The following SRP54 variants were observed in gnomAD, a reference collection of about 807,000 sequenced individuals.
SRP54 encodes the protein signal recognition particle 54.
Under a neutral mutation model 64.8 loss-of-function variants are expected in SRP54, and 10 were observed. That is an observed-to-expected ratio of 0.15 (90% CI 0.10 to 0.26). The LOEUF is 0.26. SRP54 is among the 10% of genes least tolerant of loss of function. SRP54 has a pLI of 1.00. For missense variants in SRP54, 325 were observed against 613.7 expected (o/e 0.53, Z 4.97); for synonymous variants, 193 against 185.6 (o/e 1.04, Z -0.32).
chr14:34,984,636 G>C (rs2043865677), intron 1 of SRP54, among the ~76,000 whole-genome samples: 1 of 152,112 alleles, frequency 6.6e-6, no homozygotes, highest in Non-Finnish European at 1.5e-5. Context: ...CGAGTAGCTG[G>C]GATTACAGGT....
intron 1 of SRP54, 55 bp downstream of exon 1, chr14:34,983,270 C>G (rs1016061408): frequency 6.6e-6 from 1 of 152,470 alleles, no homozygotes; most frequent in South Asian, 2.1e-4. Flanking sequence ...AGGGGCAGCC[C>G]CAGCGCTGCT....
At chr14:35,005,870 C>T (rs866978251) in intron 4 of SRP54, among the ~76,000 whole-genome samples, 79 of 152,096 alleles carry the variant, frequency 5.2e-4, no homozygotes, top group African/African-American at 1.9e-3. Context: ...GATGGAGTCT[C>T]GCTCTGTCAC....
chr14:35,020,134 G>C (rs1041984726), intron 13 of SRP54, among the ~76,000 whole-genome samples: 8 of 152,160 alleles, frequency 5.3e-5, no homozygotes, highest in Non-Finnish European at 1.0e-4. Context: ...GCAGTGAGCC[G>C]AGATTGTGTC....
intron 7 of SRP54, among the ~76,000 whole-genome samples, chr14:35,011,256 G>A (rs2044352908): frequency 6.6e-6 from 1 of 152,194 alleles, no homozygotes; most frequent in Non-Finnish European, 1.5e-5. Context: ...AAATAAATTT[G>A]AAGGAGACAC....
Position 35,013,401 on chromosome 14 carries a change from C to T in SRP54, c.692C>T (p.Ala231Val). The part of the protein sequence containing the change: ...MDASIGQACE[A>V]QAKAFKDKVD... ...GCCTCCATTGGGCAGGCTTGTGAAG[C>T]CCAGGCTAAGGCTTTTAAAGATAAA... Residue 231 changes from alanine to valine, a missense_variant, in exon 9 of 16, where the codon GCC (alanine) becomes GTC (valine). By Grantham distance (64) the Ala-to-Val change is moderately conservative. Transcript: ENST00000216774. 6.2e-7 allele frequency: 1 copy of T among 1,614,076 alleles called. No individual in the cohort carries two copies. Among genetic ancestry groups the T allele is most frequent in the Middle Eastern group, 1.6e-4 (1 of 6,062 alleles).
chr14:35,011,472 T>G (rs1313663911), intron 7 of SRP54, 37 bp from the exon 8 acceptor site: 1 of 1,376,982 alleles, frequency 7.3e-7, no homozygotes, highest in Non-Finnish European at 9.5e-7. Context: ...TTTGGAAGTT[T>G]TGTCGTTTTG....
chr14:34,985,769 A>G (rs945988328), intron 1 of SRP54, among the ~76,000 whole-genome samples: 1 of 152,134 alleles, frequency 6.6e-6, no homozygotes, highest in Non-Finnish European at 1.5e-5. Context: ...CTTGTTTTGC[A>G]CTCCAGATTA....
intron 3 of SRP54, 47 bp from the exon 4 acceptor site, chr14:35,000,889 A>C (rs376162642): frequency 1.5e-5 from 16 of 1,038,718 alleles, no homozygotes; most frequent in Admixed American, 2.6e-5. Flanking sequence ...AGAGTTTCTT[A>C]ACTGATTTTC....
At position 35,013,618 on chromosome 14, in the gene SRP54, A is replaced by G. The variant is rs150224180; in HGVS notation, c.785+124A>G. The G allele has an allele frequency of 7.5e-4, 954 of 1,264,314 alleles. 12 individuals carry two copies. In the East Asian group the frequency reaches 0.018, roughly 24 times the overall value. 78.3% of individuals were successfully genotyped at this position (1,264,314 alleles called of 1,614,324 possible). A position where few individuals can be genotyped will look rare whatever the true frequency, so the allele number is the denominator to read the frequency against. ...AGTGAGCCTAATATGGTTTATAAAGAAAGTTTAAATAGAAACAATTTTGGA... is the reference window on the plus strand; with the variant it reads ...AGTGAGCCTAATATGGTTTATAAAGGAAGTTTAAATAGAAACAATTTTGGA... On this transcript the variant is annotated intron_variant, in intron 9 of 15. Transcript: ENST00000216774.
At chr14:35,008,071 G>C (rs1402195467) in intron 5 of SRP54, among the ~76,000 whole-genome samples, 1 of 152,034 alleles carries the variant, frequency 6.6e-6, no homozygotes, top group East Asian at 1.9e-4. Flanking sequence ...TCCTTTTTCA[G>C]GTTCCCACCC....
chr14:34,987,245 A>AT (rs1427015450), intron 1 of SRP54, among the ~76,000 whole-genome samples: 3,481 of 64,046 alleles, frequency 0.054, 105 homozygotes, highest in African/African-American at 0.12. Context: ...AAAAAAAAAA[A>AT]AATATATATA....
intron 10 of SRP54, among the ~76,000 whole-genome samples, chr14:35,014,290 T>TTTTTTGTTTTTTTTTGTTTTTTTG (rs376712278): frequency 1.6e-5 from 2 of 127,284 alleles, no homozygotes; most frequent in African/African-American, 5.8e-5. Context: ...TTTTTTTTTT[T>TTTTTTGTTTTTTTTTGTTTTTTTG]TTTTGAGACG....
chr14:35,007,469 A>G, intron 5 of SRP54, 82 bp downstream of exon 5: 1 of 575,908 alleles, frequency 1.7e-6, no homozygotes, highest in Non-Finnish European at 2.7e-6. Context: ...ATAAAAATGT[A>G]AAGCCTGGCT....
At chr14:34,991,940 T>C (rs993001665) in intron 1 of SRP54, among the ~76,000 whole-genome samples, 1 of 152,188 alleles carries the variant, frequency 6.6e-6, no homozygotes, top group Admixed American at 6.5e-5. Flanking sequence ...TGTTTTTGTG[T>C]TTTGTGTTTT....
intron 15 of SRP54, among the ~76,000 whole-genome samples, chr14:35,028,497 G>A (rs557532873): frequency 6.6e-6 from 1 of 152,082 alleles, no homozygotes; most frequent in East Asian, 1.9e-4. Context: ...TTTAACCTGA[G>A]TTCTACTTTG....
chr14:35,001,297 G>T (rs567454510), intron 4 of SRP54, among the ~76,000 whole-genome samples: 62 of 150,930 alleles, frequency 4.1e-4, no homozygotes, highest in African/African-American at 1.5e-3. Context: ...GATTACAGAC[G>T]TGCACCACCA....
At chr14:35,024,625 T>C (rs2044591279) in intron 14 of SRP54, among the ~76,000 whole-genome samples, 1 of 151,818 alleles carries the variant, frequency 6.6e-6, no homozygotes. Context: ...TTTATTTCTT[T>C]TATGCTCATA....
intron 4 of SRP54, among the ~76,000 whole-genome samples, chr14:35,005,328 C>G (rs2044239336): frequency 6.6e-6 from 1 of 152,040 alleles, no homozygotes; most frequent in African/African-American, 2.4e-5. Context: ...CAGAGTAAGA[C>G]CCTGTCTCAA....
At chr14:35,009,605 A>G (rs2044323024) in intron 7 of SRP54, among the ~76,000 whole-genome samples, 2 of 152,194 alleles carry the variant, frequency 1.3e-5, no homozygotes, top group Admixed American at 1.3e-4. Context: ...GATTTGCCTC[A>G]TAAAAGCAAA....
Sources: allele counts gnomAD v4.1 joint callset (sites outside exome capture counted in the v4.1 genomes callset), GRCh38; gene constraint gnomAD v4.1.1; transcripts MANE v1.5; gene names NCBI Gene and HGNC (gene_info 2026-07-23, HGNC 2026-07-21).